Variants in C22orf42 observed in about 807,000 individuals in gnomAD.
C22orf42 encodes the protein uncharacterized protein C22orf42.
Under a neutral mutation model 31.4 loss-of-function variants are expected in C22orf42, and 24 were observed. The ratio of observed to expected loss-of-function variants is 0.77; its 90% CI spans 0.55 to 1.08. The LOEUF is 1.08. Ranked by LOEUF, C22orf42 falls within the 50% of genes least tolerant of loss-of-function variation. The pLI, the probability that C22orf42 is intolerant of heterozygous loss-of-function variation, is 0.00. For missense variants in C22orf42, 276 were observed against 327.3 expected (o/e 0.84, Z 1.21); for synonymous variants, 96 against 112.7 (o/e 0.85, Z 0.94).
intron 1 of C22orf42, 152 bp downstream of exon 1, chr22:32,158,832 T>C: frequency 1.2e-6 from 1 of 838,000 alleles, no homozygotes; most frequent in Non-Finnish European, 1.9e-6. Flanking sequence ...GAACCAGCCT[T>C]TGTCCCCCAT....
At position 32,152,573 on chromosome 22, in the gene C22orf42, T is replaced by C. The variant is rs1921022423; in HGVS notation, c.361A>G (p.Thr121Ala). ...GAAATACATCTTACAATATCTGATG[T>C]CATATTCTCCTCCACACCGCCGTGT... Reference protein sequence around the residue: ...SAHGGVEENMTSDIEIPEAKH... With the variant: ...SAHGGVEENMASDIEIPEAKH... Residue 121 changes from threonine (T) to alanine (A), a missense_variant, in exon 3 of 9, where the codon ACA becomes GCA. Transcript: ENST00000382097. 2.5e-6 allele frequency: 4 copies of C among 1,611,084 alleles called. No individual in the cohort carries two copies. Among genetic ancestry groups the C allele is most frequent in the East Asian group, 2.2e-5 (1 of 44,894 alleles).
At chr22:32,153,977 T>C (rs1401818669) in intron 2 of C22orf42, among the ~76,000 whole-genome samples, 1 of 151,886 alleles carries the variant, frequency 6.6e-6, no homozygotes, top group Non-Finnish European at 1.5e-5. Context: ...TGAGCTGTGA[T>C]TGCACCAATG....
chr22:32,159,684 G>A (rs138141811), upstream of C22orf42, among the ~76,000 whole-genome samples: 229 of 152,264 alleles, frequency 1.5e-3, no homozygotes, highest in African/African-American at 5.2e-3. Context: ...CACAAATTTC[G>A]GACTGCTTTG....
intron 7 of C22orf42, 48 bp downstream of exon 7, chr22:32,150,271 A>G: frequency 6.4e-7 from 1 of 1,565,732 alleles, no homozygotes; most frequent in Non-Finnish European, 8.8e-7. Flanking sequence ...ATAAGGCAAG[A>G]GGACCCAGAA....
chr22:32,155,019 G>A (rs1293288632), intron 1 of C22orf42, among the ~76,000 whole-genome samples: 3 of 152,158 alleles, frequency 2.0e-5, no homozygotes, highest in Non-Finnish European at 4.4e-5. Context: ...GCTACAACCC[G>A]TATTTTCCAA....
At chr22:32,156,979 C>G (rs1921293060) in intron 1 of C22orf42, among the ~76,000 whole-genome samples, 1 of 152,314 alleles carries the variant, frequency 6.6e-6, no homozygotes, top group South Asian at 2.1e-4. Flanking sequence ...TCCTTACAGC[C>G]AAACCAAAGA....
upstream of C22orf42, chr22:32,159,389 T>C (rs1270402786): frequency 1.4e-6 from 2 of 1,428,346 alleles, no homozygotes; most frequent in East Asian, 5.0e-5. Context: ...GTCAGGCTAG[T>C]GGCTCACAAT....
chr22:32,151,470 A>G lies in C22orf42; in HGVS notation c.465+17T>C, dbSNP rs762069335. 1 of 1,610,896 alleles carries G rather than the reference A, an allele frequency of 6.2e-7. No homozygotes were observed. The highest frequency in any genetic ancestry group is 1.1e-5 in the South Asian group (1 of 90,998). On this transcript the variant is annotated intron_variant, in intron 5 of 8. Coordinates refer to ENST00000382097, the MANE Select transcript of C22orf42 (RefSeq NM_001010859.3). ...AACAAAAAGCATTTCTCTTCCAGAGAAAGAAATACATCTTACAATATCTGA... is the reference window on the plus strand; with the variant it reads ...AACAAAAAGCATTTCTCTTCCAGAGGAAGAAATACATCTTACAATATCTGA...
chr22:32,151,484 T>TAA lies in C22orf42; in HGVS notation c.465+2_465+3insTT. ...CTCTTCCAGAGAAAGAAATACATCT[T>TAA]ACAATATCTGACGTTATATTCTCCT... On this transcript the variant is annotated splice_region_variant and intron_variant, in intron 5 of 8. Transcript: ENST00000382097. The TAA allele has an allele frequency of 6.2e-7, 1 of 1,612,910 alleles. No individual in the cohort carries two copies. Among genetic ancestry groups the TAA allele is most frequent in the Admixed American group, 1.7e-5 (1 of 60,016 alleles).
Position 32,149,766 on chromosome 22 carries a change from A to AT in C22orf42, c.668dup (p.Tyr223Ter). The AT allele has an allele frequency of 6.8e-7, 1 of 1,478,434 alleles. No homozygotes were observed. The allele number at this position is 1,478,434 out of a possible 1,614,324, so 91.6% of individuals were successfully genotyped here. ...ATATATACTTACAGAGGTAATCTTC[A>AT]TATCTCTCCTTTGCCTGCAATAGGA... is the stretch of plus-strand genomic sequence containing the variant. ...LMTPEMAKER[Y>*]EDYLCWVKMA... The change falls in exon 8 of 9, where the codon TAT (tyrosine) becomes TAAT (stop). Residue 223 changes from tyrosine to a stop codon, truncating the protein, a stop_gained and frameshift_variant. Transcript: ENST00000382097. LOFTEE classifies it high-confidence loss of function.
chr22:32,154,015 TCACACACA>T (rs111234718), intron 2 of C22orf42, among the ~76,000 whole-genome samples: 1 of 146,844 alleles, frequency 6.8e-6, no homozygotes, highest in African/African-American at 2.6e-5. Flanking sequence ...TGAGACCTTT[TCACACACA>T]CACACACACA....
upstream of C22orf42, chr22:32,159,861 C>T (rs1490554689): frequency 1.3e-5 from 2 of 152,466 alleles, no homozygotes; most frequent in African/African-American, 4.8e-5. Flanking sequence ...AAAATAGGGA[C>T]TGAACTCATC....
intron 1 of C22orf42, 105 bp downstream of exon 1, chr22:32,158,879 A>ATC: frequency 7.8e-7 from 1 of 1,273,998 alleles, no homozygotes; most frequent in South Asian, 1.3e-5. Flanking sequence ...GGCAGGAGGG[A>ATC]GCTGGAAGCT....
intron 5 of C22orf42, among the ~76,000 whole-genome samples, 184 bp downstream of exon 5, chr22:32,151,303 C>T (rs1040867437): frequency 7.9e-5 from 12 of 151,968 alleles, no homozygotes; most frequent in South Asian, 4.2e-4. Context: ...TAAGTGATGC[C>T]GTCCTTTGAC....
chr22:32,158,946 A>T (rs1921422832), intron 1 of C22orf42, 38 bp downstream of exon 1: 1 of 1,611,598 alleles, frequency 6.2e-7, no homozygotes, highest in Non-Finnish European at 8.5e-7. Context: ...GTGGCCAGAG[A>T]GATGCCAGAG....
chr22:32,152,704 G>A (rs1041692720), intron 2 of C22orf42, 78 bp from the exon 3 acceptor site: 59 of 1,399,266 alleles, frequency 4.2e-5, no homozygotes, highest in Admixed American at 4.0e-4. Flanking sequence ...GATGTGGACC[G>A]GGGCTGGAGT....
Position 32,150,472 on chromosome 22 carries a change from G to C in C22orf42, c.501C>G (p.Val167=), listed in dbSNP as rs374310346. The change falls in exon 7 of 9, where the codon GTC becomes GTG. Residue 167 remains valine (V), a synonymous_variant. Transcript: ENST00000382097. ...CAGATAGGCTTTCACTGAGATCTTC[G>C]ACCAAATCTAGGAGAACATAGTGAC... is the stretch of plus-strand genomic sequence containing the variant. ...ISEAKHDHHL[V]EDLSESLSVC... is the part of the protein sequence containing the mutation. 1.2e-6 allele frequency: 2 copies of C among 1,613,992 alleles called. No individual in the cohort carries two copies. The highest frequency in any genetic ancestry group is 1.3e-5 in the African/African-American group (1 of 74,966).
chr22:32,156,915 C>T (rs1453404893), intron 1 of C22orf42, among the ~76,000 whole-genome samples: 3 of 152,208 alleles, frequency 2.0e-5, no homozygotes, highest in Non-Finnish European at 4.4e-5. Context: ...ACAAATTCCC[C>T]TTCGTGGAGT....
intron 1 of C22orf42, among the ~76,000 whole-genome samples, chr22:32,158,047 CTG>C (rs1194265153): frequency 1.3e-5 from 2 of 152,256 alleles, no homozygotes; most frequent in East Asian, 3.8e-4. Flanking sequence ...ATTAGCATCT[CTG>C]TTTTTCTGAG....
Sources: allele counts gnomAD v4.1 joint callset (sites outside exome capture counted in the v4.1 genomes callset), GRCh38; gene constraint gnomAD v4.1.1; transcripts MANE v1.5; gene names NCBI Gene and HGNC (gene_info 2026-07-23, HGNC 2026-07-21).